Variants in ARHGAP39 observed in about 807,000 individuals in gnomAD.
ARHGAP39 encodes the protein rho GTPase-activating protein 39.
A neutral mutation model predicts 106.9 loss-of-function variants in ARHGAP39; 44 were observed. The observed-to-expected ratio is 0.41, with a 90% CI of 0.32 to 0.53. ARHGAP39 has a LOEUF of 0.53. Among genes scored for constraint, ARHGAP39 ranks in the 20% least tolerant of loss-of-function variants. The pLI, the probability that ARHGAP39 is intolerant of heterozygous loss-of-function variation, is 0.21. For missense variants in ARHGAP39, 1,496 were observed against 1,577.3 expected (o/e 0.95, Z 0.87); for synonymous variants, 768 against 693.2 (o/e 1.11, Z -1.69).
chr8:144,664,735 T>G (rs1821917499), intron 1 of ARHGAP39, among the ~76,000 whole-genome samples: 1 of 152,234 alleles, frequency 6.6e-6, no homozygotes, highest in South Asian at 2.1e-4. Context: ...TATTTTTTCT[T>G]GCCACCACCA....
At chr8:144,682,635 T>C (rs1056823168) in intron 1 of ARHGAP39, among the ~76,000 whole-genome samples, 4 of 152,146 alleles carry the variant, frequency 2.6e-5, no homozygotes, top group Non-Finnish European at 4.4e-5. Flanking sequence ...ACCTTCTCAC[T>C]TTCTGTTATG....
At chr8:144,686,596 C>G (rs1822595614), upstream of ARHGAP39, among the ~76,000 whole-genome samples, 1 of 152,304 alleles carries the variant, frequency 6.6e-6, no homozygotes, top group African/African-American at 2.4e-5. Flanking sequence ...CAAAAGTCAT[C>G]CGTGGAGCTC....
upstream of ARHGAP39, among the ~76,000 whole-genome samples, chr8:144,686,713 A>ACTTCACT (rs1221308673): frequency 8.5e-5 from 13 of 152,064 alleles, no homozygotes; most frequent in African/African-American, 2.7e-4. Flanking sequence ...CCGTCGTCAC[A>ACTTCACT]CTTCACTCTT....
chr8:144,561,534 G>A (rs1436872007), intron 3 of ARHGAP39, among the ~76,000 whole-genome samples: 1 of 151,898 alleles, frequency 6.6e-6, no homozygotes, highest in Non-Finnish European at 1.5e-5. Flanking sequence ...AGACCCCAGT[G>A]GTTTCCATCA....
Position 144,581,256 on chromosome 8 carries a change from G to A in ARHGAP39, c.102C>T (p.Ile34=). ...ACATGCGCTCGCGGGTGCGCGGTTC[G>A]ATGATCTCCACCCACTCCAACCTGG... The part of the protein sequence containing the change: ...SNTRLEWVEI[I]EPRTRERMYA... The change falls in exon 3 of 12, where the codon ATC becomes ATT. Residue 34 remains isoleucine, a synonymous_variant. Coordinates refer to ENST00000377307, the MANE Select transcript of ARHGAP39 (RefSeq NM_025251.3). 1 of 1,551,126 alleles carries A rather than the reference G, an allele frequency of 6.4e-7. No individual in the cohort carries two copies. Among genetic ancestry groups the A allele is most frequent in the Non-Finnish European group, 8.7e-7 (1 of 1,148,368 alleles).
intron 3 of ARHGAP39, among the ~76,000 whole-genome samples, chr8:144,566,906 A>G (rs980346396): frequency 2.0e-5 from 3 of 152,168 alleles, no homozygotes; most frequent in Admixed American, 6.5e-5. Context: ...TAAAAGACAC[A>G]TTATGTAAAG....
chr8:144,570,747 A>G lies in ARHGAP39; in HGVS notation c.512+10099T>C, dbSNP rs182857350. Among the ~76,000 whole-genome samples the G allele has an allele frequency of 5.6e-4, 85 of 152,338 alleles. 1 individual carries two copies. Among genetic ancestry groups the G allele is most frequent in the Admixed American group, 3.9e-4 (6 of 15,296 alleles). On this transcript the variant is annotated intron_variant, in intron 3 of 11. Transcript: ENST00000377307. ...GGTACACTGCTAGCAAGACTAATAA[A>G]GAAGAAAAGAGAGAATAATCAAATA...
At position 144,684,359 on chromosome 8, in the gene ARHGAP39, C is replaced by A. The variant is rs1188665551; in HGVS notation, c.-82+1327G>T. 6.6e-6 allele frequency among the ~76,000 whole-genome samples: 1 copy of A among 152,250 alleles called. No homozygotes were observed. The highest frequency in any genetic ancestry group is 1.5e-5 in the Non-Finnish European group (1 of 68,054). On this transcript the variant is annotated intron_variant, in intron 1 of 11. Coordinates refer to ENST00000377307, the MANE Select transcript of ARHGAP39 (RefSeq NM_025251.3). The surrounding 1 kb of genome is among the most constrained non-coding windows in gnomAD (Gnocchi z 4.4). Reference sequence around the variant, plus strand: ...GTGGATCGGGCGCCGCCGACGGAACCACCTGCTGTCTATAGAGGGCACCTA... The same window carrying A: ...GTGGATCGGGCGCCGCCGACGGAACAACCTGCTGTCTATAGAGGGCACCTA...
At chr8:144,580,813 G>C (rs907090193) in intron 3 of ARHGAP39, 33 bp downstream of exon 3, 3 of 1,067,664 alleles carry the variant, frequency 2.8e-6, no homozygotes, top group African/African-American at 2.0e-5. Flanking sequence ...CCATTCACCT[G>C]GCCCCGCCCA....
At chr8:144,689,331 T>A (rs1323057312), upstream of ARHGAP39, among the ~76,000 whole-genome samples, 1 of 152,098 alleles carries the variant, frequency 6.6e-6, no homozygotes, top group Admixed American at 6.6e-5. Flanking sequence ...TTCTCTGCGT[T>A]CTCACTAACA....
At chr8:144,581,355 C>A in intron 2 of ARHGAP39, 78 bp from the exon 3 acceptor site, 1 of 1,398,416 alleles carries the variant, frequency 7.2e-7, no homozygotes, top group Non-Finnish European at 9.6e-7. Flanking sequence ...GACCCCGGCT[C>A]CAGCCCCAGC....
intron 2 of ARHGAP39, among the ~76,000 whole-genome samples, chr8:144,600,885 G>A (rs1341155717): frequency 6.7e-6 from 1 of 149,888 alleles, no homozygotes; most frequent in African/African-American, 2.5e-5. Flanking sequence ...GCGTGCTCGT[G>A]TACCTGTGCG....
chr8:144,587,561 G>A (rs1048054326), intron 2 of ARHGAP39, among the ~76,000 whole-genome samples: 1 of 152,200 alleles, frequency 6.6e-6, no homozygotes, highest in African/African-American at 2.4e-5. Context: ...ACAAAGCCCG[G>A]CAGCATGGGA....
chr8:144,551,782 C>T (rs1007960154), intron 4 of ARHGAP39, among the ~76,000 whole-genome samples: 13 of 152,314 alleles, frequency 8.5e-5, no homozygotes, highest in African/African-American at 2.9e-4. Flanking sequence ...GAGCTTGCCC[C>T]GGCCCCCGGG....
intron 1 of ARHGAP39, among the ~76,000 whole-genome samples, chr8:144,667,871 C>T (rs1356617479): frequency 6.6e-6 from 1 of 152,184 alleles, no homozygotes; most frequent in East Asian, 1.9e-4. Context: ...AGTAACAATG[C>T]CAACAGCAAT....
At chr8:144,605,494 CG>C (rs1820250973) in intron 2 of ARHGAP39, 40 bp downstream of exon 2, 1 of 1,603,246 alleles carries the variant, frequency 6.2e-7, no homozygotes, top group African/African-American at 1.3e-5. Context: ...TCCACCCACT[CG>C]TGAGGCCCGG....
the ARHGAP39 span, among the ~76,000 whole-genome samples, chr8:144,694,235 G>C: frequency 6.6e-6 from 1 of 152,208 alleles, no homozygotes; most frequent in African/African-American, 2.4e-5. Context: ...GGCAGGCTTG[G>C]GGGAGCAGCA....
chr8:144,654,487 G>C (rs1047620138), intron 1 of ARHGAP39, among the ~76,000 whole-genome samples: 2 of 152,188 alleles, frequency 1.3e-5, no homozygotes, highest in African/African-American at 4.8e-5. Flanking sequence ...CTGGATGACA[G>C]AACAAGACCC....
At position 144,671,696 on chromosome 8, in the gene ARHGAP39, G is replaced by A. The variant is rs1043933394; in HGVS notation, c.-82+13990C>T. On this transcript the variant is annotated intron_variant, in intron 1 of 11. Transcript: ENST00000377307. This position sits in a 1 kb window ranked among gnomAD's most constrained non-coding sequence, Gnocchi z 4.5. ...TCCAGAAAGCCTACCTGAACTCCAC[G>A]CCCCTCCCGGCCAGCCACCCTAGGG... 1.3e-5 allele frequency among the ~76,000 whole-genome samples: 2 copies of A among 152,042 alleles called. No individual in the cohort carries two copies. Among genetic ancestry groups the A allele is most frequent in the Non-Finnish European group, 2.9e-5 (2 of 68,000 alleles).
Sources: allele counts gnomAD v4.1 joint callset (sites outside exome capture counted in the v4.1 genomes callset), GRCh38; gene constraint gnomAD v4.1.1; non-coding constraint Gnocchi (gnomAD v3.1); transcripts MANE v1.5; gene names NCBI Gene and HGNC (gene_info 2026-07-23, HGNC 2026-07-21).